The following LGSN variants were observed in gnomAD, a reference collection of about 807,000 sequenced individuals.
The protein encoded by LGSN is lengsin.
A neutral mutation model predicts 19.5 loss-of-function variants in LGSN; 21 were observed. The observed-to-expected ratio is 1.07, with a 90% CI of 0.76 to 1.55. The LOEUF (loss-of-function observed/expected upper bound fraction) is 1.55. Ranked by LOEUF, LGSN falls within the 40% of genes most tolerant of loss-of-function variation. The pLI, the probability that LGSN is intolerant of heterozygous loss-of-function variation, is 0.00. For missense variants in LGSN, 673 were observed against 608.5 expected, an observed-to-expected ratio of 1.11 and a Z score of -1.12; for synonymous variants, 257 against 215.6, an observed-to-expected ratio of 1.19 and a Z score of -1.68.
At chr6:63,505,038 C>A in the LGSN span, among the ~76,000 whole-genome samples, 1 of 152,162 alleles carries the variant, frequency 6.6e-6, no homozygotes, top group Non-Finnish European at 1.5e-5. Flanking sequence ...CTCATCTACA[C>A]CAGGAACTGG....
At chr6:63,289,466 A>G (rs897728320) in intron 2 of LGSN, among the ~76,000 whole-genome samples, 2 of 152,318 alleles carry the variant, frequency 1.3e-5, no homozygotes, top group African/African-American at 4.8e-5. Context: ...TAGCAGGCAG[A>G]TAATTGCCAG....
chr6:63,444,739 G>C, the LGSN span, among the ~76,000 whole-genome samples: 1 of 152,064 alleles, frequency 6.6e-6, no homozygotes, highest in Non-Finnish European at 1.5e-5. Flanking sequence ...TTATCAACTG[G>C]TTTTCTTTTC....
At chr6:63,342,394 AAT>A in the LGSN span, among the ~76,000 whole-genome samples, 901 of 152,364 alleles carry the variant, frequency 5.9e-3, 4 homozygotes, top group Non-Finnish European at 9.0e-3. Flanking sequence ...ATTGGCATAT[AAT>A]AGATTATTTA....
chr6:63,294,590 C>T (rs1767903547), intron 2 of LGSN, among the ~76,000 whole-genome samples: 1 of 151,916 alleles, frequency 6.6e-6, no homozygotes, highest in Non-Finnish European at 1.5e-5. Flanking sequence ...CTCAAATCCT[C>T]TGTAATGATT....
the LGSN span, among the ~76,000 whole-genome samples, chr6:63,445,739 A>T: frequency 6.6e-6 from 1 of 152,198 alleles, no homozygotes; most frequent in Non-Finnish European, 1.5e-5. Context: ...AAAATACTTA[A>T]TATGTTTGGA....
chr6:63,412,525 AGAAG>A, the LGSN span, among the ~76,000 whole-genome samples: 1,371 of 83,734 alleles, frequency 0.016, 8 homozygotes, highest in Non-Finnish European at 0.019. Context: ...AAAGAAAGAA[AGAAG>A]GAAAGAAAGA....
chr6:63,410,416 ACT>A, the LGSN span, among the ~76,000 whole-genome samples: 1 of 152,124 alleles, frequency 6.6e-6, no homozygotes, highest in African/African-American at 2.4e-5. Flanking sequence ...TTTTAGTACG[ACT>A]CTGAAATGAG....
chr6:63,301,842 A>G (rs1768195580), intron 1 of LGSN, among the ~76,000 whole-genome samples: 1 of 152,148 alleles, frequency 6.6e-6, no homozygotes, highest in African/African-American at 2.4e-5. Context: ...CTCTTCATCA[A>G]CGAATAAGGA....
chr6:63,423,198 G>T, the LGSN span, among the ~76,000 whole-genome samples: 3 of 152,098 alleles, frequency 2.0e-5, no homozygotes, highest in Admixed American at 2.0e-4. Context: ...AATAAAAAAT[G>T]AGCCAGGAGC....
At chr6:63,287,126 T>C (rs1767569552) in intron 2 of LGSN, among the ~76,000 whole-genome samples, 1 of 152,160 alleles carries the variant, frequency 6.6e-6, no homozygotes, top group South Asian at 2.1e-4. Context: ...ATAGATTAAG[T>C]AGATTTTAAG....
chr6:63,538,668 A>G, the LGSN span, among the ~76,000 whole-genome samples: 4 of 152,212 alleles, frequency 2.6e-5, no homozygotes, highest in Admixed American at 2.0e-4. Context: ...TTAAGATAGC[A>G]TGAAAATGTG....
the LGSN span, among the ~76,000 whole-genome samples, chr6:63,481,527 T>C: frequency 6.6e-6 from 1 of 151,020 alleles, no homozygotes; most frequent in African/African-American, 2.4e-5. Flanking sequence ...TATTTTTTTT[T>C]AGTAGAGACG....
At chr6:63,482,760 G>A in the LGSN span, among the ~76,000 whole-genome samples, 1 of 152,138 alleles carries the variant, frequency 6.6e-6, no homozygotes, top group African/African-American at 2.4e-5. Flanking sequence ...CAGTGCAGTG[G>A]CATTATCTTG....
the LGSN span, among the ~76,000 whole-genome samples, chr6:63,431,550 T>C: frequency 6.6e-6 from 1 of 152,218 alleles, no homozygotes; most frequent in Non-Finnish European, 1.5e-5. Context: ...TTACTAGTTG[T>C]ATGACCTTGG....
At chr6:63,317,397 C>T (rs938920634) in intron 1 of LGSN, among the ~76,000 whole-genome samples, 3 of 152,160 alleles carry the variant, frequency 2.0e-5, no homozygotes, top group Admixed American at 2.0e-4. Context: ...TGCAGGCATT[C>T]TCATTTCAGG....
intron 1 of LGSN, among the ~76,000 whole-genome samples, chr6:63,316,046 G>A (rs759151354): frequency 2.0e-5 from 3 of 152,042 alleles, no homozygotes; most frequent in Non-Finnish European, 4.4e-5. Context: ...TCAAAGTGTT[G>A]AGTTTCTCAT....
chr6:63,379,953 T>G, the LGSN span, among the ~76,000 whole-genome samples: 1 of 152,118 alleles, frequency 6.6e-6, no homozygotes, highest in Middle Eastern at 3.2e-3. Flanking sequence ...TTTTCCTGCC[T>G]CAGCCTCCCA....
At chr6:63,408,119 G>C in the LGSN span, among the ~76,000 whole-genome samples, 1 of 152,186 alleles carries the variant, frequency 6.6e-6, no homozygotes. Context: ...GTAATTTATA[G>C]ATTCAATGCC....
chr6:63,379,348 C>G, the LGSN span, among the ~76,000 whole-genome samples: 2 of 152,090 alleles, frequency 1.3e-5, no homozygotes, highest in African/African-American at 2.4e-5. Flanking sequence ...TTGGCACATC[C>G]TTTCATTCCT....
Sources: allele counts gnomAD v4.1 joint callset (sites outside exome capture counted in the v4.1 genomes callset), GRCh38; gene constraint gnomAD v4.1.1; transcripts MANE v1.5; gene names NCBI Gene and HGNC (gene_info 2026-07-23, HGNC 2026-07-21).